PLEKHB1: variants seen among roughly 807,000 people sequenced by gnomAD.
PLEKHB1 encodes pleckstrin homology domain containing B1.
PLEKHB1 carries 29 observed loss-of-function variants against 36.2 expected under a neutral mutation model. The observed-to-expected ratio is 0.80, with a 90% CI of 0.60 to 1.09. The LOEUF is 1.09. Ranked by LOEUF, PLEKHB1 falls within the 50% of genes least tolerant of loss-of-function variation. The probability of loss-of-function intolerance (pLI) is 0.00; values close to 1 mark genes in which losing one functional copy is unlikely to be tolerated. For missense variants in PLEKHB1, 330 were observed against 348.2 expected (o/e 0.95, Z 0.42); for synonymous variants, 138 against 140.0 (o/e 0.99, Z 0.10).
Position 73,661,401 on chromosome 11 carries a change from A to G in PLEKHB1, c.596-65A>G, listed in dbSNP as rs916705391. The G allele has an allele frequency of 1.0e-5, 16 of 1,570,982 alleles. No individual in the cohort carries two copies. The highest frequency in any genetic ancestry group is 1.4e-5 in the Non-Finnish European group (16 of 1,143,554). On this transcript the variant is annotated intron_variant, in intron 7 of 7. Coordinates refer to ENST00000354190, the MANE Select transcript of PLEKHB1 (RefSeq NM_021200.3). The surrounding 1 kb of genome is among the most constrained non-coding windows in gnomAD (Gnocchi z 4.6). ...TGGGTTGGGCTGGAGTGATGCAGGAAGGGTACGAAGATCACTCTACTCCCT... is the reference window on the plus strand; with the variant it reads ...TGGGTTGGGCTGGAGTGATGCAGGAGGGGTACGAAGATCACTCTACTCCCT...
chr11:73,650,645 G>C lies in PLEKHB1; in HGVS notation c.187G>C (p.Glu63Gln). 1 of 1,612,278 alleles carries C rather than the reference G, an allele frequency of 6.2e-7. No homozygotes were observed. Among genetic ancestry groups the C allele is most frequent in the Non-Finnish European group, 8.5e-7 (1 of 1,179,242 alleles). Residue 63 changes from glutamate to glutamine, a missense_variant, in exon 3 of 8, where the codon GAG (glutamate) becomes CAG (glutamine). Physicochemically the swap from Glu to Gln is conservative, Grantham distance 29. Transcript: ENST00000354190. Reference sequence around the variant, plus strand: ...CCACGATGAGACAGCGCAGGACGAGGAGGACCGTGTGCTCATCCACTTCAA... The same window carrying C: ...CCACGATGAGACAGCGCAGGACGAGCAGGACCGTGTGCTCATCCACTTCAA... ...YYHDETAQDE[E>Q]DRVLIHFNVR... is the part of the protein sequence containing the mutation.
chr11:73,661,319 C>G lies in PLEKHB1; in HGVS notation c.596-147C>G, dbSNP rs1590805405. ...GGGAGCCGTAGGGTGGAGCTCTTCC[C>G]GCGTCTAGATCTGTTCTTTGACTGG... On this transcript the variant is annotated intron_variant, in intron 7 of 7. Coordinates refer to ENST00000354190, the MANE Select transcript of PLEKHB1 (RefSeq NM_021200.3). This position sits in a 1 kb window ranked among gnomAD's most constrained non-coding sequence, Gnocchi z 4.6. The G allele has an allele frequency of 8.9e-6, 8 of 902,076 alleles. No individual in the cohort carries two copies. The East Asian group carries it at 1.1e-4, about 13-fold the overall frequency. The allele number at this position is 902,076 out of a possible 1,614,324, so 55.9% of individuals were successfully genotyped here.
At chr11:73,656,219 C>A (rs1234058869) in intron 6 of PLEKHB1, among the ~76,000 whole-genome samples, 3 of 152,166 alleles carry the variant, frequency 2.0e-5, no homozygotes, top group African/African-American at 7.2e-5. Flanking sequence ...ACTTCCTAGA[C>A]CACTAGGCAT....
At chr11:73,647,562 G>T in intron 1 of PLEKHB1, 1 of 985,484 alleles carries the variant, frequency 1.0e-6, no homozygotes. Context: ...CCCCCTCCCT[G>T]GGGTGGGCAG....
At position 73,650,652 on chromosome 11, in the gene PLEKHB1, G is replaced by A. The variant is rs769238945; in HGVS notation, c.194G>A (p.Arg65His). Residue 65 changes from arginine (R) to histidine (H), a missense_variant, in exon 3 of 8, where the codon CGT (arginine) becomes CAT (histidine). Transcript: ENST00000354190. ...HDETAQDEED[R>H]VLIHFNVRDI... ...GAGACAGCGCAGGACGAGGAGGACC[G>A]TGTGCTCATCCACTTCAATGTCCGT... 40 of 1,611,432 alleles carry A rather than the reference G, an allele frequency of 2.5e-5. No homozygotes were observed. The highest frequency in any genetic ancestry group is 6.7e-5 in the East Asian group (3 of 44,844).
At chr11:73,651,270 T>C (rs1350559908) in intron 3 of PLEKHB1, among the ~76,000 whole-genome samples, 1 of 151,056 alleles carries the variant, frequency 6.6e-6, no homozygotes, top group Non-Finnish European at 1.5e-5. Flanking sequence ...GGTGGGAGGA[T>C]TGCTTGAGCC....
Position 73,660,821 on chromosome 11 carries a change from T to C in PLEKHB1, c.564T>C (p.Tyr188=), listed in dbSNP as rs1945093977. The change falls in exon 7 of 8, where the codon TAT becomes TAC. Residue 188 remains tyrosine (Y), a synonymous_variant. Coordinates refer to ENST00000354190, the MANE Select transcript of PLEKHB1 (RefSeq NM_021200.3). ...CCCCCAATGCACACGAGGCCACGTA[T>C]GTCCGCAGCTACTACGGACCGCCCT... ...VVPPNAHEAT[Y]VRSYYGPPYA... 1 of 1,600,804 alleles carries C rather than the reference T, an allele frequency of 6.2e-7. No homozygotes were observed. Among genetic ancestry groups the C allele is most frequent in the Non-Finnish European group, 8.5e-7 (1 of 1,174,820 alleles).
chr11:73,658,995 G>A (rs905139020), intron 6 of PLEKHB1, among the ~76,000 whole-genome samples: 2 of 152,084 alleles, frequency 1.3e-5, no homozygotes, highest in African/African-American at 2.4e-5. Flanking sequence ...AGGCCAAGGC[G>A]GGCAGATCAC....
intron 6 of PLEKHB1, among the ~76,000 whole-genome samples, chr11:73,657,481 C>T (rs1389183035): frequency 6.6e-6 from 1 of 152,196 alleles, no homozygotes; most frequent in Non-Finnish European, 1.5e-5. Flanking sequence ...TGGTTGTACC[C>T]ACAAAGTAGC....
intron 1 of PLEKHB1, 93 bp downstream of exon 1, chr11:73,646,719 TGA>T: frequency 1.5e-6 from 2 of 1,330,888 alleles, no homozygotes; most frequent in Admixed American, 4.0e-5. Flanking sequence ...TTTTAGGCCC[TGA>T]CATCCTCTGG....
chr11:73,650,799 C>T, intron 3 of PLEKHB1, 94 bp downstream of exon 3: 1 of 1,379,356 alleles, frequency 7.2e-7, no homozygotes, highest in Non-Finnish European at 9.6e-7. Flanking sequence ...CTTTTTGCAG[C>T]TTTCAGAGGC....
chr11:73,652,865 T>G, intron 4 of PLEKHB1, 110 bp from the exon 5 acceptor site: 2 of 898,974 alleles, frequency 2.2e-6, no homozygotes, highest in Non-Finnish European at 3.5e-6. Context: ...TCTCCTTTCA[T>G]GAGAGACTTG....
chr11:73,651,703 G>C (rs1355817854), intron 3 of PLEKHB1, 85 bp from the exon 4 acceptor site: 3 of 1,097,800 alleles, frequency 2.7e-6, no homozygotes, highest in Non-Finnish European at 4.0e-6. Context: ...GCCCAGAGAA[G>C]TCAATTCCTA....
intron 6 of PLEKHB1, among the ~76,000 whole-genome samples, chr11:73,659,421 C>A (rs1945060312): frequency 6.6e-6 from 1 of 152,006 alleles, no homozygotes; most frequent in Non-Finnish European, 1.5e-5. Flanking sequence ...AGAAGGGGAT[C>A]CTGACCCCTC....
chr11:73,654,725 T>G (rs1343098944), intron 5 of PLEKHB1, among the ~76,000 whole-genome samples: 1 of 152,180 alleles, frequency 6.6e-6, no homozygotes, highest in Non-Finnish European at 1.5e-5. Context: ...TATGCACATA[T>G]GCATGCGTCT....
At chr11:73,651,192 C>T (rs754506580) in intron 3 of PLEKHB1, among the ~76,000 whole-genome samples, 12 of 151,372 alleles carry the variant, frequency 7.9e-5, no homozygotes, top group Admixed American at 2.0e-4. Flanking sequence ...TCTACCAAAA[C>T]AAAAACAAAC....
Position 73,660,788 on chromosome 11 carries a change from G to A in PLEKHB1, c.531G>A (p.Glu177=). Reference sequence around the variant, plus strand: ...ACAGCCCGTACCAAGACTACTACGAGGTGGTGCCCCCCAATGCACACGAGG... The same window carrying A: ...ACAGCCCGTACCAAGACTACTACGAAGTGGTGCCCCCCAATGCACACGAGG... ...RVYSPYQDYY[E]VVPPNAHEAT... The change falls in exon 7 of 8, where the codon GAG becomes GAA. Residue 177 remains glutamate, a synonymous_variant. Coordinates refer to ENST00000354190, the MANE Select transcript of PLEKHB1 (RefSeq NM_021200.3). 3 of 1,601,996 alleles carry A rather than the reference G, an allele frequency of 1.9e-6. No individual in the cohort carries two copies. Among genetic ancestry groups the A allele is most frequent in the South Asian group, 2.3e-5 (2 of 88,162 alleles).
rs568975930 is a variant in PLEKHB1, at chr11:73,661,043, C to T, written c.595+191C>T. 9.4e-6 allele frequency: 6 copies of T among 636,426 alleles called. No homozygotes were observed. Among genetic ancestry groups the T allele is most frequent in the Admixed American group, 5.5e-5 (2 of 36,438 alleles). 39.4% of individuals were successfully genotyped at this position (636,426 alleles called of 1,614,324 possible). On this transcript the variant is annotated intron_variant, in intron 7 of 7. Coordinates refer to ENST00000354190, the MANE Select transcript of PLEKHB1 (RefSeq NM_021200.3). The surrounding 1 kb of genome is among the most constrained non-coding windows in gnomAD (Gnocchi z 4.6). ...CTCTGGAACCAGCGTTCGTCTCGAG[C>T]TGACCTCACCCTTCTGGGATGGCTC...
chr11:73,661,762 T>G lies in PLEKHB1; in HGVS notation c.*160T>G. On this transcript the variant is annotated 3_prime_UTR_variant, in exon 8 of 8. Transcript: ENST00000354190. This position sits in a 1 kb window ranked among gnomAD's most constrained non-coding sequence, Gnocchi z 4.6. ...CATTCCCCCCACTCCCTACCCTTAA[T>G]CCCCACATGGGAAGAAGCTATCATC... is the stretch of plus-strand genomic sequence containing the variant. The G allele has an allele frequency of 1.2e-6, 1 of 867,512 alleles. No individual in the cohort carries two copies. Among genetic ancestry groups the G allele is most frequent in the East Asian group, 2.9e-5 (1 of 34,710 alleles). 53.7% of individuals were successfully genotyped at this position (867,512 alleles called of 1,614,324 possible).
Sources: gnomAD v4.1 joint callset for allele counts (sites outside exome capture counted in the v4.1 genomes callset) on GRCh38, gnomAD v4.1.1 for gene constraint, Gnocchi (gnomAD v3.1) non-coding constraint, MANE v1.5 for transcripts, NCBI Gene and HGNC (gene_info 2026-07-23, HGNC 2026-07-21) for gene names.